ZNF474: variants seen among roughly 807,000 people sequenced by gnomAD.
ZNF474 encodes 4933409D10Rik.
For synonymous variants in ZNF474, 192 were observed against 162.2 expected (o/e 1.18, Z -1.39); for missense variants, 511 against 433.8 (o/e 1.18, Z -1.58).
intron 1 of ZNF474, among the ~76,000 whole-genome samples, chr5:122,140,448 C>T (rs911074342): frequency 2.6e-5 from 4 of 152,096 alleles, no homozygotes; most frequent in African/African-American, 9.7e-5. Flanking sequence ...CTTTCAACCG[C>T]ATATGAATCT....
intron 1 of ZNF474, among the ~76,000 whole-genome samples, chr5:122,142,471 A>C (rs1306116178): frequency 3.3e-5 from 5 of 152,192 alleles, no homozygotes; most frequent in African/African-American, 1.2e-4. Context: ...ACCACAAAAA[A>C]ATTTAAACTA....
chr5:122,141,521 A>G (rs1335150786), intron 1 of ZNF474, among the ~76,000 whole-genome samples: 1 of 151,800 alleles, frequency 6.6e-6, no homozygotes, highest in African/African-American at 2.4e-5. Context: ...GTTGGTCAGG[A>G]TGTTCTTGAT....
intron 1 of ZNF474, among the ~76,000 whole-genome samples, chr5:122,130,291 G>C (rs1755546381): frequency 6.6e-6 from 1 of 152,078 alleles, no homozygotes; most frequent in Non-Finnish European, 1.5e-5. Context: ...ACCTCAGTCA[G>C]GGCACGGGAC....
In ZNF474 at chr5:122,153,212, C is replaced by G; in HGVS notation, c.*127C>G. The G allele has an allele frequency of 8.4e-7, 1 of 1,184,956 alleles. No homozygotes were observed. Among genetic ancestry groups the G allele is most frequent in the Non-Finnish European group, 1.2e-6 (1 of 853,052 alleles). 73.4% of individuals were successfully genotyped at this position (1,184,956 alleles called of 1,614,324 possible). A position where few individuals can be genotyped will look rare whatever the true frequency, so the allele number is the denominator to read the frequency against. On this transcript the variant is annotated 3_prime_UTR_variant, in exon 2 of 2. Transcript: ENST00000296600. ...TCCCTGTTGAACTCCAGGGCCTATACCTCTCTTGGCTGAATAGATATAAGA... is the reference window on the plus strand; with the variant it reads ...TCCCTGTTGAACTCCAGGGCCTATAGCTCTCTTGGCTGAATAGATATAAGA...
chr5:122,137,394 C>A (rs192373044), intron 1 of ZNF474, among the ~76,000 whole-genome samples: 43 of 130,644 alleles, frequency 3.3e-4, no homozygotes, highest in African/African-American at 1.3e-3. Flanking sequence ...TTGCAGTGAG[C>A]CGAGATTATG....
intron 1 of ZNF474, among the ~76,000 whole-genome samples, chr5:122,148,738 CT>C (rs963746933): frequency 7.4e-4 from 111 of 149,194 alleles, no homozygotes; most frequent in East Asian, 2.0e-4. Flanking sequence ...TCTTTTTTTT[CT>C]TTTTTTTTTC....
intron 1 of ZNF474, among the ~76,000 whole-genome samples, chr5:122,132,232 T>C (rs1755594946): frequency 6.6e-6 from 1 of 152,150 alleles, no homozygotes; most frequent in African/African-American, 2.4e-5. Flanking sequence ...CATTTATCCA[T>C]TGATGTATAT....
chr5:122,139,849 A>G (rs2152604444), intron 1 of ZNF474, among the ~76,000 whole-genome samples: 1 of 152,276 alleles, frequency 6.6e-6, no homozygotes, highest in Admixed American at 6.5e-5. Flanking sequence ...AGAAGAAAAA[A>G]GCTTTTAAGG....
In ZNF474 at chr5:122,153,173, CT is replaced by C; in HGVS notation, c.*89del. On this transcript the variant is annotated 3_prime_UTR_variant, in exon 2 of 2. Coordinates refer to ENST00000296600, the MANE Select transcript of ZNF474 (RefSeq NM_207317.3). The stretch of plus-strand genomic sequence containing the variant: ...TGCCTTGTATCAGCCTCAAAGCAGC[CT>C]GTTCAAGTTAACTCCCTGTTGAACT... The C allele has an allele frequency of 6.6e-7, 1 of 1,508,314 alleles. No homozygotes were observed. Among genetic ancestry groups the C allele is most frequent in the Non-Finnish European group, 8.9e-7 (1 of 1,126,764 alleles). 93.4% of individuals were successfully genotyped at this position (1,508,314 alleles called of 1,614,324 possible).
chr5:122,143,195 C>T (rs1049313127), intron 1 of ZNF474, among the ~76,000 whole-genome samples: 1 of 152,104 alleles, frequency 6.6e-6, no homozygotes, highest in Non-Finnish European at 1.5e-5. Context: ...TCAGTGAGCC[C>T]ATCTCTCTTA....
intron 1 of ZNF474, among the ~76,000 whole-genome samples, chr5:122,144,821 C>T (rs2560308): frequency 0.56 from 84,660 of 152,014 alleles, 27,900 homozygotes; most frequent in Non-Finnish European, 0.72. Flanking sequence ...ATTATACTGA[C>T]GGTTTGTATA....
chr5:122,140,549 C>CA (rs769632568), intron 1 of ZNF474, among the ~76,000 whole-genome samples: 45 of 152,110 alleles, frequency 3.0e-4, no homozygotes, highest in Non-Finnish European at 5.4e-4. Context: ...ATCTGAGTGG[C>CA]AAGATATATT....
chr5:122,131,784 A>T (rs1755583506), intron 1 of ZNF474, among the ~76,000 whole-genome samples: 1 of 151,914 alleles, frequency 6.6e-6, no homozygotes, highest in South Asian at 2.1e-4. Context: ...CTTCTTGGAG[A>T]TTTGTATCTT....
chr5:122,130,684 T>C (rs1044591975), intron 1 of ZNF474, among the ~76,000 whole-genome samples: 3 of 152,192 alleles, frequency 2.0e-5, no homozygotes, highest in African/African-American at 7.2e-5. Flanking sequence ...TTTTTATGTC[T>C]AACTTTTTTC....
intron 1 of ZNF474, among the ~76,000 whole-genome samples, chr5:122,130,682 T>C (rs1478104387): frequency 1.3e-5 from 2 of 152,182 alleles, no homozygotes; most frequent in Non-Finnish European, 2.9e-5. Flanking sequence ...ATTTTTTATG[T>C]CTAACTTTTT....
chr5:122,135,286 A>G (rs1300753696), intron 1 of ZNF474, among the ~76,000 whole-genome samples: 1 of 152,218 alleles, frequency 6.6e-6, no homozygotes, highest in Admixed American at 6.5e-5. Context: ...CCTGGGCAAC[A>G]TATCAAGACT....
At chr5:122,146,357 AAT>A (rs1755988546) in intron 1 of ZNF474, among the ~76,000 whole-genome samples, 1 of 151,874 alleles carries the variant, frequency 6.6e-6, no homozygotes, top group African/African-American at 2.4e-5. Flanking sequence ...TTTAATAAAA[AAT>A]AGTCATTAAA....
chr5:122,135,201 G>A (rs967950950), intron 1 of ZNF474, among the ~76,000 whole-genome samples: 2 of 152,210 alleles, frequency 1.3e-5, no homozygotes, highest in African/African-American at 2.4e-5. Context: ...CAGGCTTGGT[G>A]CCATGCACCT....
In ZNF474 at chr5:122,152,511, C is replaced by T. The variant is rs759558371; in HGVS notation, c.521C>T (p.Thr174Ile). 20 of 1,614,082 alleles carry T rather than the reference C, an allele frequency of 1.2e-5. No individual in the cohort carries two copies. The highest frequency in any genetic ancestry group is 1.6e-5 in the Non-Finnish European group (19 of 1,180,038). ...CTGCCCTGTGAATCCTGTGGCCGCACATTCTTGCCAGATCATCTTCTTGTT... is the reference window on the plus strand; with the variant it reads ...CTGCCCTGTGAATCCTGTGGCCGCATATTCTTGCCAGATCATCTTCTTGTT... ...QLLPCESCGRTFLPDHLLVHH... is the reference protein window; with the variant it reads ...QLLPCESCGRIFLPDHLLVHH... Residue 174 changes from threonine (T) to isoleucine (I), a missense_variant, in exon 2 of 2, where the codon ACA becomes ATA. Transcript: ENST00000296600.
Sources: allele counts gnomAD v4.1 joint callset (sites outside exome capture counted in the v4.1 genomes callset), GRCh38; gene constraint gnomAD v4.1.1; transcripts MANE v1.5; gene names NCBI Gene and HGNC (gene_info 2026-07-23, HGNC 2026-07-21).